The following IMMP2L variants were observed in gnomAD, a reference collection of about 807,000 sequenced individuals.
IMMP2L encodes inner mitochondrial membrane peptidase subunit 2.
A neutral mutation model predicts 19.3 loss-of-function variants in IMMP2L; 18 were observed. The observed-to-expected ratio is 0.93, with a 90% CI of 0.64 to 1.38. The LOEUF (loss-of-function observed/expected upper bound fraction) is 1.38, where lower values mean the gene tolerates loss of function less well. IMMP2L is among the 40% of genes most tolerant of loss of function. The pLI, the probability that IMMP2L is intolerant of heterozygous loss-of-function variation, is 0.00. For missense variants in IMMP2L, 233 were observed against 218.2 expected, an observed-to-expected ratio of 1.07 and a Z score of -0.43; for synonymous variants, 76 against 73.0, an observed-to-expected ratio of 1.04 and a Z score of -0.21.
At chr7:111,486,773 A>C (rs1221683778) in intron 3 of IMMP2L, among the ~76,000 whole-genome samples, 1 of 152,138 alleles carries the variant, frequency 6.6e-6, no homozygotes. Context: ...ACCCAAACAG[A>C]AGCATCCAGT....
chr7:111,519,539 C>G (rs1846158904), intron 2 of IMMP2L, among the ~76,000 whole-genome samples: 1 of 152,126 alleles, frequency 6.6e-6, no homozygotes, highest in Non-Finnish European at 1.5e-5. Context: ...TGGGTTTAAT[C>G]CATGAACCGA....
chr7:111,096,055 T>A (rs1797364305), intron 3 of IMMP2L, among the ~76,000 whole-genome samples: 1 of 152,028 alleles, frequency 6.6e-6, no homozygotes, highest in Admixed American at 6.6e-5. Context: ...AACATAATAG[T>A]AATTAATTGA....
At chr7:110,853,308 T>C (rs1806433625) in intron 5 of IMMP2L, among the ~76,000 whole-genome samples, 3 of 152,016 alleles carry the variant, frequency 2.0e-5, no homozygotes. Context: ...AACAAAGACA[T>C]GTATTAGTTT....
chr7:111,260,960 T>G (rs1817253284), intron 3 of IMMP2L, among the ~76,000 whole-genome samples: 1 of 151,968 alleles, frequency 6.6e-6, no homozygotes, highest in Non-Finnish European at 1.5e-5. Context: ...TAAAAAAACA[T>G]GATGTTTGAA....
In IMMP2L at chr7:111,388,765, G is replaced by T. The variant is rs1490539405; in HGVS notation, c.239+98473C>A. On this transcript the variant is annotated intron_variant, in intron 3 of 5. Coordinates refer to ENST00000405709, the MANE Select transcript of IMMP2L (RefSeq NM_032549.4). ...ACTACCACGAGAATAGCACAGGAAA[G>T]ACCGGCCCCCATGATTCAATTACCT... 4.6e-5 allele frequency among the ~76,000 whole-genome samples: 7 copies of T among 152,016 alleles called. 1 individual carries two copies. Among genetic ancestry groups the T allele is most frequent in the Admixed American group, 2.0e-4 (3 of 15,234 alleles).
intron 3 of IMMP2L, among the ~76,000 whole-genome samples, chr7:111,444,208 T>A (rs1838055068): frequency 6.6e-6 from 1 of 152,182 alleles, no homozygotes; most frequent in African/African-American, 2.4e-5. Context: ...TAAAATATTG[T>A]GCATATTCAT....
rs191877571 is a variant in IMMP2L at position 110,689,975 on chromosome 7, T to C, written c.409-26254A>G. ...TTTCTCATGGGAGGCTTTTGTATTA[T>C]TGTCATTCAAAGTCCTGAGACGAAA... On this transcript the variant is annotated intron_variant, in intron 5 of 5. Coordinates refer to ENST00000405709, the MANE Select transcript of IMMP2L (RefSeq NM_032549.4). 1.1e-4 allele frequency among the ~76,000 whole-genome samples: 17 copies of C among 152,320 alleles called. No individual in the cohort carries two copies. The East Asian group carries it at 2.9e-3, about 26-fold the overall frequency.
chr7:110,928,967 C>T (rs1044110205), intron 4 of IMMP2L, among the ~76,000 whole-genome samples: 2 of 152,058 alleles, frequency 1.3e-5, no homozygotes, highest in Non-Finnish European at 2.9e-5. Flanking sequence ...CGCTCCCTTT[C>T]AATATTATAA....
intron 5 of IMMP2L, among the ~76,000 whole-genome samples, chr7:110,753,105 G>C (rs887860025): frequency 6.7e-6 from 1 of 148,366 alleles, no homozygotes; most frequent in African/African-American, 2.4e-5. Flanking sequence ...GGTTGATGCT[G>C]GGGGAGCAGA....
rs542151568 is a variant in IMMP2L at position 111,036,078 on chromosome 7, G to A, written c.240-72513C>T. On this transcript the variant is annotated intron_variant, in intron 3 of 5. Coordinates refer to ENST00000405709, the MANE Select transcript of IMMP2L (RefSeq NM_032549.4). The stretch of plus-strand genomic sequence containing the variant: ...ATTATTACTATTTTTTATTATTATT[G>A]CTCATATTATTCCTTCTTTGCTACC... 1.1e-3 allele frequency among the ~76,000 whole-genome samples: 172 copies of A among 152,140 alleles called. 1 individual carries two copies. The highest frequency in any genetic ancestry group is 0.01 in the Middle Eastern group (3 of 294).
At chr7:110,821,109 A>G (rs1348940735) in intron 5 of IMMP2L, among the ~76,000 whole-genome samples, 5 of 152,080 alleles carry the variant, frequency 3.3e-5, no homozygotes, top group Non-Finnish European at 7.4e-5. Flanking sequence ...ACTCTTCCCA[A>G]GAGGTAACTC....
intron 3 of IMMP2L, among the ~76,000 whole-genome samples, chr7:111,398,378 A>C (rs983477512): frequency 1.3e-5 from 2 of 152,274 alleles, no homozygotes; most frequent in Admixed American, 1.3e-4. Context: ...AATAAAAATC[A>C]CATGATCATC....
chr7:110,946,964 C>T (rs1170920428), intron 4 of IMMP2L, among the ~76,000 whole-genome samples: 2 of 152,128 alleles, frequency 1.3e-5, no homozygotes, highest in Admixed American at 6.6e-5. Context: ...TCGTGATCTG[C>T]CTGCTTCGGC....
chr7:111,495,049 T>C lies in IMMP2L; in HGVS notation c.136-7708A>G, dbSNP rs374508419. Reference sequence around the variant, plus strand: ...TAAATTAATCCAAAAAAATTTAATATGCATAATTAGTTATGAATACCTATA... The same window carrying C: ...TAAATTAATCCAAAAAAATTTAATACGCATAATTAGTTATGAATACCTATA... On this transcript the variant is annotated intron_variant, in intron 2 of 5. Coordinates refer to ENST00000405709, the MANE Select transcript of IMMP2L (RefSeq NM_032549.4). 7.9e-4 allele frequency among the ~76,000 whole-genome samples: 120 copies of C among 152,288 alleles called. No individual in the cohort carries two copies. The East Asian group carries it at 0.019, about 24-fold the overall frequency.
intron 5 of IMMP2L, among the ~76,000 whole-genome samples, chr7:110,856,365 GC>G: frequency 6.6e-6 from 1 of 152,122 alleles, no homozygotes; most frequent in South Asian, 2.1e-4. Context: ...TTAGCTAAGG[GC>G]AGAATAATGC....
intron 3 of IMMP2L, among the ~76,000 whole-genome samples, chr7:111,003,292 A>T (rs1823915516): frequency 6.6e-6 from 1 of 152,164 alleles, no homozygotes; most frequent in African/African-American, 2.4e-5. Context: ...ACAATGGTCA[A>T]ATAATGTATT....
chr7:111,318,573 A>G (rs1389469861), intron 3 of IMMP2L, among the ~76,000 whole-genome samples: 2 of 152,130 alleles, frequency 1.3e-5, no homozygotes, highest in African/African-American at 4.8e-5. Context: ...ATTAATTCCA[A>G]AACAGTGGTA....
intron 3 of IMMP2L, among the ~76,000 whole-genome samples, chr7:111,379,773 A>G (rs937994336): frequency 4.6e-5 from 7 of 151,964 alleles, no homozygotes; most frequent in African/African-American, 1.7e-4. Flanking sequence ...CATCAAGTAA[A>G]TAAGAACTCA....
chr7:111,055,503 G>A (rs923661365), intron 3 of IMMP2L, among the ~76,000 whole-genome samples: 5 of 152,124 alleles, frequency 3.3e-5, no homozygotes, highest in Non-Finnish European at 4.4e-5. Context: ...TTCCTAACCC[G>A]TTTGCAAACC....
Sources: allele counts gnomAD v4.1 joint callset (sites outside exome capture counted in the v4.1 genomes callset), GRCh38; gene constraint gnomAD v4.1.1; transcripts MANE v1.5; gene names NCBI Gene and HGNC (gene_info 2026-07-23, HGNC 2026-07-21).